Variants in SPAG16 observed in about 807,000 individuals in gnomAD.
The protein encoded by SPAG16 is sperm-associated antigen 16 protein.
SPAG16 carries 86 observed loss-of-function variants against 80.4 expected under a neutral mutation model. The observed-to-expected ratio is 1.07, with a 90% confidence interval of 0.90 to 1.28. The LOEUF is 1.28. Among genes scored for constraint, SPAG16 ranks in the 50% most tolerant of loss-of-function variants. The pLI, the probability that SPAG16 is intolerant of heterozygous loss-of-function variation, is 0.00. For synonymous variants in SPAG16, 294 were observed against 265.9 expected, an observed-to-expected ratio of 1.11 and a Z score of -1.03; for missense variants, 870 against 765.3, an observed-to-expected ratio of 1.14 and a Z score of -1.61.
chr2:213,880,323 A>G lies in SPAG16; in HGVS notation c.1214+17695A>G, dbSNP rs192644689. Among the ~76,000 whole-genome samples the G allele has an allele frequency of 1.6e-3, 249 of 152,008 alleles. 2 individuals carry two copies. Among genetic ancestry groups the G allele is most frequent in the Middle Eastern group, 6.8e-3 (2 of 294 alleles). Reference sequence around the variant, plus strand: ...CCTTTGCCCACTTTTTAATGAGGTTACCTGTTATTTGCTTGTTGATTTGTT... The same window carrying G: ...CCTTTGCCCACTTTTTAATGAGGTTGCCTGTTATTTGCTTGTTGATTTGTT... On this transcript the variant is annotated intron_variant, in intron 11 of 15. Transcript: ENST00000331683.
chr2:213,685,193 C>T (rs1181630971), intron 10 of SPAG16, among the ~76,000 whole-genome samples: 1 of 152,204 alleles, frequency 6.6e-6, no homozygotes, highest in African/African-American at 2.4e-5. Context: ...GAAGTCTTAA[C>T]CCCAAGTACC....
chr2:214,208,476 T>G (rs950472936), intron 15 of SPAG16, among the ~76,000 whole-genome samples: 3 of 152,096 alleles, frequency 2.0e-5, no homozygotes, highest in Non-Finnish European at 4.4e-5. Flanking sequence ...AGGCTTTGAG[T>G]GCTGAATCTT....
At chr2:213,359,120 A>G (rs2125095450) in intron 7 of SPAG16, among the ~76,000 whole-genome samples, 1 of 152,228 alleles carries the variant, frequency 6.6e-6, no homozygotes, top group African/African-American at 2.4e-5. Flanking sequence ...AGCAGCAAAT[A>G]TTGCTGCCTG....
intron 15 of SPAG16, among the ~76,000 whole-genome samples, chr2:214,277,977 C>T (rs954698737): frequency 6.6e-6 from 1 of 152,192 alleles, no homozygotes; most frequent in African/African-American, 2.4e-5. Flanking sequence ...TTCTAGCTTG[C>T]CTGGCTGCTT....
At chr2:213,982,022 G>A (rs2045774259) in intron 12 of SPAG16, among the ~76,000 whole-genome samples, 1 of 151,608 alleles carries the variant, frequency 6.6e-6, no homozygotes, top group Non-Finnish European at 1.5e-5. Flanking sequence ...AGAAAATATT[G>A]ACTATACTAA....
At chr2:213,908,776 T>C (rs2077534021) in intron 11 of SPAG16, among the ~76,000 whole-genome samples, 1 of 152,066 alleles carries the variant, frequency 6.6e-6, no homozygotes, top group Admixed American at 6.6e-5. Flanking sequence ...TTTTCCTTTT[T>C]TTAATTATTA....
intron 12 of SPAG16, among the ~76,000 whole-genome samples, chr2:214,005,320 T>C (rs530040877): frequency 1.5e-4 from 23 of 152,346 alleles, no homozygotes; most frequent in South Asian, 6.2e-4. Context: ...GATCATTTTA[T>C]TTGTTCACCT....
chr2:214,208,027 T>A (rs887919047), intron 15 of SPAG16, among the ~76,000 whole-genome samples: 3 of 152,228 alleles, frequency 2.0e-5, no homozygotes, highest in African/African-American at 7.2e-5. Flanking sequence ...CACTACTGGC[T>A]TCCTACCTCC....
Position 213,677,550 on chromosome 2 carries a change from T to G in SPAG16, c.1071-184935T>G, listed in dbSNP as rs569754374. On this transcript the variant is annotated intron_variant, in intron 10 of 15. Coordinates refer to ENST00000331683, the MANE Select transcript of SPAG16 (RefSeq NM_024532.5). ...CATTACATAATGGTAAAGGGATCAATTCAACAAGAAGAGCTAACTATCCTA... is the reference window on the plus strand; with the variant it reads ...CATTACATAATGGTAAAGGGATCAAGTCAACAAGAAGAGCTAACTATCCTA... Among the ~76,000 whole-genome samples, 28 of 152,162 alleles carry G rather than the reference T, an allele frequency of 1.8e-4. No homozygotes were observed. In the South Asian group the frequency reaches 5.4e-3, roughly 29 times the overall value.
chr2:213,468,054 C>A (rs2072802977), intron 9 of SPAG16, among the ~76,000 whole-genome samples: 1 of 152,044 alleles, frequency 6.6e-6, no homozygotes, highest in African/African-American at 2.4e-5. Context: ...CTATCTTGTC[C>A]CATGGCCTGC....
chr2:213,456,928 T>A (rs1462341459), intron 9 of SPAG16, among the ~76,000 whole-genome samples: 1 of 152,210 alleles, frequency 6.6e-6, no homozygotes, highest in Non-Finnish European at 1.5e-5. Context: ...TAATGCCTTC[T>A]TGTATCTTAT....
At chr2:213,971,573 T>C (rs1324231082) in intron 12 of SPAG16, among the ~76,000 whole-genome samples, 3 of 152,312 alleles carry the variant, frequency 2.0e-5, no homozygotes, top group Admixed American at 6.5e-5. Context: ...CACAATATTA[T>C]GCAACCATTA....
At chr2:213,971,037 T>G (rs2045022121) in intron 12 of SPAG16, among the ~76,000 whole-genome samples, 1 of 152,216 alleles carries the variant, frequency 6.6e-6, no homozygotes, top group Non-Finnish European at 1.5e-5. Context: ...CTGTTTTATT[T>G]CATTTTTCAT....
chr2:213,825,636 T>C (rs940452138), intron 10 of SPAG16, among the ~76,000 whole-genome samples: 1 of 151,932 alleles, frequency 6.6e-6, no homozygotes, highest in African/African-American at 2.4e-5. Context: ...TAGTATTTTA[T>C]TGAGGATTTT....
chr2:213,661,127 T>C (rs2063411848), intron 10 of SPAG16, among the ~76,000 whole-genome samples: 1 of 152,248 alleles, frequency 6.6e-6, no homozygotes, highest in African/African-American at 2.4e-5. Flanking sequence ...TGTTTCACCA[T>C]GTGTTTGTGT....
intron 15 of SPAG16, among the ~76,000 whole-genome samples, chr2:214,305,160 T>G (rs1404627446): frequency 6.6e-6 from 1 of 152,226 alleles, no homozygotes; most frequent in African/African-American, 2.4e-5. Context: ...GTTCGTTAGC[T>G]GCATGTATGT....
intron 13 of SPAG16, among the ~76,000 whole-genome samples, chr2:214,017,037 C>T (rs2047625218): frequency 6.6e-6 from 1 of 152,184 alleles, no homozygotes; most frequent in Middle Eastern, 3.4e-3. Context: ...ATATGAAGAA[C>T]AAAATATGCT....
At chr2:213,416,013 T>C (rs141436443) in intron 9 of SPAG16, among the ~76,000 whole-genome samples, 12 of 152,210 alleles carry the variant, frequency 7.9e-5, no homozygotes, top group East Asian at 1.9e-4. Flanking sequence ...ACATGGAAGA[T>C]TGTGAAGATG....
At chr2:213,288,960 A>G (rs1017129321) in intron 1 of SPAG16, among the ~76,000 whole-genome samples, 1 of 152,238 alleles carries the variant, frequency 6.6e-6, no homozygotes, top group African/African-American at 2.4e-5. Context: ...GAACTATGTT[A>G]CTAAATCCAG....
Sources: allele counts gnomAD v4.1 joint callset (sites outside exome capture counted in the v4.1 genomes callset), GRCh38; gene constraint gnomAD v4.1.1; transcripts MANE v1.5; gene names NCBI Gene and HGNC (gene_info 2026-07-23, HGNC 2026-07-21).